The following CCDC69 variants were observed in gnomAD, a reference collection of about 807,000 sequenced individuals.
CCDC69 encodes the protein coiled-coil domain containing 69, also known as coiled-coil domain-containing protein 69.
In CCDC69, 38 loss-of-function variants were observed where a neutral mutation model predicts 40.3. The observed-to-expected ratio is 0.94, with a 90% CI of 0.73 to 1.24. The LOEUF is 1.24. Ranked by LOEUF, CCDC69 falls within the 50% of genes most tolerant of loss-of-function variation. The pLI is 0.00. For missense variants in CCDC69, 389 were observed against 357.9 expected, an observed-to-expected ratio of 1.09 and a Z score of -0.70; for synonymous variants, 141 against 138.9, an observed-to-expected ratio of 1.02 and a Z score of -0.11.
intron 1 of CCDC69, chr5:151,212,226 G>A (rs140711025): frequency 0.014 from 2,151 of 152,748 alleles, 39 homozygotes; most frequent in Non-Finnish European, 0.018. Flanking sequence ...TTGAGGCCAG[G>A]AGACTCAATT....
At chr5:151,186,990 T>C (rs539746219) in intron 5 of CCDC69, among the ~76,000 whole-genome samples, 1 of 152,216 alleles carries the variant, frequency 6.6e-6, no homozygotes, top group South Asian at 2.1e-4. Context: ...TACCAAAGAA[T>C]TCCAACCCAT....
chr5:151,195,536 T>G (rs535535329), intron 4 of CCDC69, among the ~76,000 whole-genome samples: 1 of 151,970 alleles, frequency 6.6e-6, no homozygotes, highest in Non-Finnish European at 1.5e-5. Flanking sequence ...CTGGCCAACA[T>G]GGTGAAACCC....
chr5:151,202,979 C>CGGCACTGTTCCA (rs1752797188), intron 2 of CCDC69, among the ~76,000 whole-genome samples: 8 of 150,210 alleles, frequency 5.3e-5, no homozygotes, highest in Non-Finnish European at 1.0e-4. Context: ...GCAACATGTC[C>CGGCACTGTTCCA]AGCACTGTTC....
intron 1 of CCDC69, among the ~76,000 whole-genome samples, chr5:151,208,189 T>C (rs775375526): frequency 1.9e-4 from 29 of 152,236 alleles, no homozygotes; most frequent in Admixed American, 8.5e-4. Context: ...AGGTGGAAGT[T>C]GCAGTGAGCC....
rs577278163 is a variant in CCDC69 at position 151,193,509 on chromosome 5, C to G, written c.319+5488G>C. ...CCAGCCTGGGCATCAGAGTGACATCCTGTTGGAAAGAAAAGAAAAGAAAAA... is the reference window on the plus strand; with the variant it reads ...CCAGCCTGGGCATCAGAGTGACATCGTGTTGGAAAGAAAAGAAAAGAAAAA... On this transcript the variant is annotated intron_variant, in intron 4 of 8. Transcript: ENST00000355417. Among the ~76,000 whole-genome samples, 6 of 150,304 alleles carry G rather than the reference C, an allele frequency of 4.0e-5. No homozygotes were observed. The East Asian group carries it at 1.2e-3, about 29-fold the overall frequency.
At chr5:151,207,245 G>A (rs1490993364) in intron 1 of CCDC69, among the ~76,000 whole-genome samples, 1 of 149,994 alleles carries the variant, frequency 6.7e-6, no homozygotes, top group Non-Finnish European at 1.5e-5. Context: ...TAATGGGAGA[G>A]TTGATATGGG....
Position 151,223,923 on chromosome 5 carries a change from C to G in CCDC69, c.48G>C (p.Lys16Asn), listed in dbSNP as rs774563409. ...AAACTTCTCCGCCGGCGCCCTTTAC[C>G]TTTTTCGGGGGTTTGCAGCTGCTCA... Reference protein sequence around the residue: ...SRLSSCKPPKKKRQEPEPEQP... With the variant: ...SRLSSCKPPKNKRQEPEPEQP... The change falls in exon 1 of 9, where the codon AAG becomes AAC. Residue 16 changes from lysine (K) to asparagine (N), a missense_variant and splice_region_variant. Lys to Asn is a moderately conservative substitution (Grantham distance 94). Transcript: ENST00000355417. 1 of 1,585,390 alleles carries G rather than the reference C, an allele frequency of 6.3e-7. No individual in the cohort carries two copies. The highest frequency in any genetic ancestry group is 8.6e-7 in the Non-Finnish European group (1 of 1,168,008).
chr5:151,192,156 C>T (rs1340194817), intron 4 of CCDC69, among the ~76,000 whole-genome samples: 1 of 89,152 alleles, frequency 1.1e-5, no homozygotes, highest in Non-Finnish European at 2.2e-5. Flanking sequence ...ATAAAGCAAG[C>T]ACACAGAAGG....
intron 1 of CCDC69, among the ~76,000 whole-genome samples, chr5:151,220,737 T>C (rs75574767): frequency 6.6e-6 from 1 of 152,224 alleles, no homozygotes; most frequent in African/African-American, 2.4e-5. Flanking sequence ...TTCCTGGTAC[T>C]CTGCAGTGTC....
At chr5:151,203,523 T>C (rs1240699804) in intron 2 of CCDC69, among the ~76,000 whole-genome samples, 1 of 144,558 alleles carries the variant, frequency 6.9e-6, no homozygotes, top group Non-Finnish European at 1.5e-5. Flanking sequence ...AAAATAAAAA[T>C]AAAAATAAAA....
intron 7 of CCDC69, 63 bp from the exon 8 acceptor site, chr5:151,184,504 C>T: frequency 9.9e-7 from 1 of 1,011,212 alleles, no homozygotes; most frequent in South Asian, 1.3e-5. Context: ...TGTGCTGTCA[C>T]CTCCCTCTTA....
At chr5:151,184,249 T>A (rs1187353805) in intron 8 of CCDC69, 95 bp downstream of exon 8, 6 of 894,452 alleles carry the variant, frequency 6.7e-6, no homozygotes, top group Non-Finnish European at 9.2e-6. Context: ...GGCCCACCTG[T>A]CAGTCCATTC....
At chr5:151,217,482 A>G (rs1753063317) in intron 1 of CCDC69, among the ~76,000 whole-genome samples, 1 of 152,228 alleles carries the variant, frequency 6.6e-6, no homozygotes, top group South Asian at 2.1e-4. Context: ...GTAACAAATT[A>G]CCACGCACTT....
chr5:151,206,634 G>A (rs1348665432), intron 1 of CCDC69, among the ~76,000 whole-genome samples: 1 of 152,058 alleles, frequency 6.6e-6, no homozygotes, highest in African/African-American at 2.4e-5. Context: ...AGGCTGGAGT[G>A]CGGTGGTGTG....
At chr5:151,210,272 G>A (rs1236840014) in intron 1 of CCDC69, among the ~76,000 whole-genome samples, 3 of 152,092 alleles carry the variant, frequency 2.0e-5, no homozygotes, top group South Asian at 2.1e-4. Context: ...GGCCAGGTGC[G>A]GTGGCTCATG....
intron 1 of CCDC69, among the ~76,000 whole-genome samples, chr5:151,217,129 C>G (rs764936520): frequency 6.6e-6 from 1 of 152,186 alleles, no homozygotes; most frequent in Non-Finnish European, 1.5e-5. Context: ...AATACCCTGA[C>G]TTGATCATTA....
At chr5:151,205,774 T>C (rs945586556) in intron 1 of CCDC69, among the ~76,000 whole-genome samples, 3 of 152,144 alleles carry the variant, frequency 2.0e-5, no homozygotes, top group Admixed American at 6.6e-5. Context: ...TGGGGGCCTC[T>C]CAGACCACCT....
intron 1 of CCDC69, among the ~76,000 whole-genome samples, chr5:151,221,780 C>T (rs1273500875): frequency 6.6e-6 from 1 of 152,262 alleles, no homozygotes; most frequent in African/African-American, 2.4e-5. Flanking sequence ...AACCTAACCC[C>T]TCTGTAGCCT....
At position 151,185,438 on chromosome 5, in the gene CCDC69, A is replaced by C; in HGVS notation, c.599T>G (p.Ile200Ser). ...ERIHELDRRL[I>S]LMETVKEKNL... The stretch of plus-strand genomic sequence containing the variant: ...GTCACAGACCACTGTTTCCATGAGG[A>C]TCAGCCGCCTGTCCAGCTCATGAAT... The change falls in exon 7 of 9, where the codon ATC becomes AGC. Residue 200 changes from isoleucine to serine, a missense_variant. Transcript: ENST00000355417. 6.2e-7 allele frequency: 1 copy of C among 1,614,064 alleles called. No homozygotes were observed. Among genetic ancestry groups the C allele is most frequent in the Non-Finnish European group, 8.5e-7 (1 of 1,179,936 alleles).
Sources: gnomAD v4.1 joint callset for allele counts (sites outside exome capture counted in the v4.1 genomes callset) on GRCh38, gnomAD v4.1.1 for gene constraint, MANE v1.5 for transcripts, NCBI Gene and HGNC (gene_info 2026-07-23, HGNC 2026-07-21) for gene names.